EML6: variants seen among roughly 807,000 people sequenced by gnomAD.
EML6 encodes the protein EMAP like 6, also known as echinoderm microtubule-associated protein-like 6.
In EML6, 154 loss-of-function variants were observed where a neutral mutation model predicts 240.1. The ratio of observed to expected loss-of-function variants is 0.64; its 90% CI spans 0.56 to 0.73. The LOEUF (loss-of-function observed/expected upper bound fraction) is 0.73, where lower values mean the gene tolerates loss of function less well. EML6 is among the 30% of genes least tolerant of loss of function. The probability of loss-of-function intolerance (pLI) is 0.00; values close to 1 mark genes in which losing one functional copy is unlikely to be tolerated. For synonymous variants in EML6, 1,148 were observed against 899.0 expected (o/e 1.28, Z -4.95); for missense variants, 2,964 against 2,474.6 (o/e 1.20, Z -4.20).
At chr2:54,854,888 AG>A (rs934806522) in intron 11 of EML6, among the ~76,000 whole-genome samples, 9 of 152,204 alleles carry the variant, frequency 5.9e-5, no homozygotes, top group African/African-American at 4.8e-5. Context: ...GTATACTTGC[AG>A]GGGGTAAGTT....
In EML6 at chr2:54,964,088, A is replaced by T; in HGVS notation, c.5260A>T (p.Ile1754Phe). Residue 1754 changes from isoleucine to phenylalanine, a missense_variant, in exon 37 of 42, where the codon ATC becomes TTC. Ile to Phe is a conservative substitution (Grantham distance 21, BLOSUM62 0). Transcript: ENST00000356458. ...TGGCATGAAGAATGGAGAGTTTGTCATCTTGTTGGTGAACAGCCTGAAAGT... is the reference window on the plus strand; with the variant it reads ...TGGCATGAAGAATGGAGAGTTTGTCTTCTTGTTGGTGAACAGCCTGAAAGT... ...AIGMKNGEFV[I>F]LLVNSLKVWG... 6.4e-7 allele frequency: 1 copy of T among 1,551,778 alleles called. No homozygotes were observed. The highest frequency in any genetic ancestry group is 8.7e-7 in the Non-Finnish European group (1 of 1,147,010).
In EML6 at chr2:54,895,281, T is replaced by C. The variant is rs1461474082; in HGVS notation, c.2863T>C (p.Leu955=). Residue 955 remains leucine, a synonymous_variant, in exon 21 of 42, where the codon TTG becomes CTG. Coordinates refer to ENST00000356458, the MANE Select transcript of EML6 (RefSeq NM_001039753.4). ...ALSTSSKGLL[L]EDNPSIRAIT... is the part of the protein sequence containing the mutation. ...ACCATCCCCTTCCCCAGGCTTGCTT[T>C]TGGAAGATAACCCTTCAATTCGTGC... 3.9e-6 allele frequency: 6 copies of C among 1,551,558 alleles called. No homozygotes were observed. In the Admixed American group the frequency reaches 5.9e-5, roughly 15 times the overall value.
At chr2:54,835,146 C>G (rs1177373919) in intron 7 of EML6, among the ~76,000 whole-genome samples, 2 of 152,238 alleles carry the variant, frequency 1.3e-5, no homozygotes, top group African/African-American at 2.4e-5. Context: ...TGCTGATGAT[C>G]TCTTCTAGAA....
chr2:54,862,681 A>T (rs1670746862), intron 12 of EML6, among the ~76,000 whole-genome samples: 1 of 152,216 alleles, frequency 6.6e-6, no homozygotes, highest in Non-Finnish European at 1.5e-5. Context: ...AAAGGACACG[A>T]GTAAGATGAA....
chr2:54,900,208 C>T (rs961583939), intron 22 of EML6, among the ~76,000 whole-genome samples: 2 of 152,112 alleles, frequency 1.3e-5, no homozygotes, highest in Admixed American at 6.5e-5. Context: ...GTCTTGAACA[C>T]CTAAATGCAC....
intron 28 of EML6, among the ~76,000 whole-genome samples, chr2:54,931,704 G>A (rs1462908365): frequency 3.3e-5 from 5 of 152,168 alleles, no homozygotes; most frequent in Admixed American, 6.5e-5. Context: ...ATGCACCAAT[G>A]AGACTAATGG....
intron 37 of EML6, 129 bp from the exon 38 acceptor site, chr2:54,964,442 C>T (rs1326740093): frequency 1.2e-6 from 1 of 840,534 alleles, no homozygotes; most frequent in African/African-American, 1.7e-5. Context: ...GAGAGGCTGA[C>T]CACATGTGAG....
At chr2:54,806,827 A>G (rs905183211) in intron 2 of EML6, among the ~76,000 whole-genome samples, 1 of 151,996 alleles carries the variant, frequency 6.6e-6, no homozygotes, top group African/African-American at 2.4e-5. Flanking sequence ...TGTTATTCCC[A>G]TTCTTATGGA....
At chr2:54,760,321 G>C (rs1667921619) in intron 2 of EML6, among the ~76,000 whole-genome samples, 1 of 151,522 alleles carries the variant, frequency 6.6e-6, no homozygotes, top group South Asian at 2.1e-4. Flanking sequence ...ATATTTTTCA[G>C]ATCTTTATAT....
rs1211375601 is a variant in EML6 at position 54,863,823 on chromosome 2, T to G, written c.1866T>G (p.Asp622Glu). The G allele has an allele frequency of 1.3e-6, 2 of 1,549,450 alleles. No individual in the cohort carries two copies. The highest frequency in any genetic ancestry group is 4.9e-5 in the East Asian group (2 of 40,802). The change falls in exon 13 of 42, where the codon GAT becomes GAG. Residue 622 changes from aspartate to glutamate, a missense_variant. Asp to Glu is a conservative substitution (Grantham distance 45). Coordinates refer to ENST00000356458, the MANE Select transcript of EML6 (RefSeq NM_001039753.4). ...ADSYSEESDS[D>E]LSDVPELDSD... is the part of the protein sequence containing the mutation. ...CCTACAGTGAAGAATCTGATTCAGA[T>G]TTATCTGATGTGCCCGAACTGGACT...
intron 2 of EML6, among the ~76,000 whole-genome samples, chr2:54,734,391 A>G (rs570235595): frequency 6.6e-6 from 1 of 152,370 alleles, no homozygotes; most frequent in East Asian, 1.9e-4. Context: ...TTCTCATAAG[A>G]GACTGTGCCG....
At chr2:54,870,962 T>C (rs551475749) in intron 15 of EML6, among the ~76,000 whole-genome samples, 1 of 152,232 alleles carries the variant, frequency 6.6e-6, no homozygotes, top group Non-Finnish European at 1.5e-5. Context: ...TTTTCTTTGT[T>C]GTTGGGGATT....
At position 54,866,819 on chromosome 2, in the gene EML6, C is replaced by T. The variant is rs189726065; in HGVS notation, c.1986C>T (p.His662=). The T allele has an allele frequency of 1.1e-3, 1,671 of 1,551,188 alleles. 12 individuals carry two copies. In the African/African-American group the frequency reaches 0.02, roughly 18 times the overall value. ...QLKQQSKEKN[H]AVPFLKREKA... is the part of the protein sequence containing the mutation. ...AGCAACAAAGTAAAGAGAAAAACCA[C>T]GCAGTGCCCTTCCTCAAACGAGAAA... The change falls in exon 14 of 42, where the codon CAC becomes CAT. Residue 662 remains histidine (H), a synonymous_variant. Transcript: ENST00000356458.
At chr2:54,892,680 A>G in intron 19 of EML6, 24 bp downstream of exon 19, 2 of 1,527,774 alleles carry the variant, frequency 1.3e-6, no homozygotes, top group Non-Finnish European at 1.8e-6. Context: ...ATCAGCATTC[A>G]TTTTCCTCAT....
At chr2:54,866,662 CATTTT>C (rs1362016260) in intron 13 of EML6, 99 bp from the exon 14 acceptor site, 5 of 568,152 alleles carry the variant, frequency 8.8e-6, no homozygotes, top group Non-Finnish European at 1.6e-5. Context: ...TTTTCAAAGA[CATTTT>C]ATTGAAGCAA....
chr2:54,942,821 C>T (rs1675495374), intron 28 of EML6, among the ~76,000 whole-genome samples: 1 of 152,176 alleles, frequency 6.6e-6, no homozygotes, highest in Non-Finnish European at 1.5e-5. Context: ...TTCCCGGGTA[C>T]ACCTGATCTT....
At chr2:54,960,403 C>A in intron 35 of EML6, 69 bp downstream of exon 35, 2 of 1,171,178 alleles carry the variant, frequency 1.7e-6, no homozygotes, top group Non-Finnish European at 2.5e-6. Context: ...TCCCAGCCGG[C>A]ACTTTCTCTG....
At position 54,849,959 on chromosome 2, in the gene EML6, C is replaced by T; in HGVS notation, c.1188-3C>T. The T allele has an allele frequency of 1.3e-6, 2 of 1,548,726 alleles. No individual in the cohort carries two copies. The highest frequency in any genetic ancestry group is 8.7e-7 in the Non-Finnish European group (1 of 1,144,936). On this transcript the variant is annotated splice_region_variant and splice_polypyrimidine_tract_variant and intron_variant, in intron 9 of 41. Coordinates refer to ENST00000356458, the MANE Select transcript of EML6 (RefSeq NM_001039753.4). The stretch of plus-strand genomic sequence containing the variant: ...CTTATCGTTTTGCTTTTTATTCTTA[C>T]AGAGATATGACAGAAGTAGTTCACA...
At chr2:54,741,799 T>C (rs556101517) in intron 2 of EML6, among the ~76,000 whole-genome samples, 115 of 152,314 alleles carry the variant, frequency 7.6e-4, no homozygotes, top group African/African-American at 2.7e-3. Context: ...AATCCTTGCA[T>C]CCATAGTGAT....
Sources: gnomAD v4.1 joint callset for allele counts (sites outside exome capture counted in the v4.1 genomes callset) on GRCh38, gnomAD v4.1.1 for gene constraint, MANE v1.5 for transcripts, NCBI Gene and HGNC (gene_info 2026-07-23, HGNC 2026-07-21) for gene names.